Variants in ADRA1A observed in about 807,000 individuals in gnomAD.
The protein encoded by ADRA1A is alpha-1A adrenergic receptor.
Under a neutral mutation model 29.6 loss-of-function variants are expected in ADRA1A, and 31 were observed. The ratio of observed to expected loss-of-function variants is 1.05; its 90% CI spans 0.79 to 1.41. The LOEUF is 1.41. Ranked by LOEUF, ADRA1A falls within the 40% of genes most tolerant of loss-of-function variation. ADRA1A has a pLI of 0.00. For synonymous variants in ADRA1A, 311 were observed against 254.3 expected (o/e 1.22, Z -2.12); for missense variants, 619 against 601.1 (o/e 1.03, Z -0.31).
Position 26,769,877 on chromosome 8 carries a change from T to C in ADRA1A, c.*272A>G. 8.4e-7 allele frequency: 1 copy of C among 1,187,504 alleles called. No individual in the cohort carries two copies. Among genetic ancestry groups the C allele is most frequent in the Non-Finnish European group, 1.0e-6 (1 of 958,850 alleles). 73.6% of individuals were successfully genotyped at this position (1,187,504 alleles called of 1,614,324 possible). On this transcript the variant is annotated 3_prime_UTR_variant, in exon 3 of 3. Transcript: ENST00000380573. ...CATGAAATTCTGTTTCCCATGGTGGTTTTCGTTGAAGTGGGCACAGAGTGA... is the reference window on the plus strand; with the variant it reads ...CATGAAATTCTGTTTCCCATGGTGGCTTTCGTTGAAGTGGGCACAGAGTGA...
At chr8:26,776,353 A>C (rs1435425390) in intron 2 of ADRA1A, among the ~76,000 whole-genome samples, 1 of 152,156 alleles carries the variant, frequency 6.6e-6, no homozygotes, top group Non-Finnish European at 1.5e-5. Context: ...TCTGCGCTTC[A>C]TTTTACCCCC....
intron 2 of ADRA1A, among the ~76,000 whole-genome samples, chr8:26,759,658 G>T (rs142126959): frequency 1.3e-5 from 2 of 152,292 alleles, no homozygotes; most frequent in Non-Finnish European, 2.9e-5. Context: ...CCGATGCTCA[G>T]CTTTTGATTA....
intron 2 of ADRA1A, among the ~76,000 whole-genome samples, chr8:26,835,574 T>C (rs1811288238): frequency 6.6e-6 from 1 of 152,132 alleles, no homozygotes. Context: ...TCAGATCTTG[T>C]GAGAACTTAC....
rs2130562485 is a variant in ADRA1A, at chr8:26,815,133, A to C, written c.884-44467T>G. Among the ~76,000 whole-genome samples, 1 of 152,366 alleles carries C rather than the reference A, an allele frequency of 6.6e-6. No individual in the cohort carries two copies. The highest frequency in any genetic ancestry group is 6.5e-5 in the Admixed American group (1 of 15,308). ...TAGACGCATGGGCCAAAGTATCAAA[A>C]ATTTCCACTACCAAATCCTCACCAA... On this transcript the variant is annotated intron_variant, in intron 2 of 2. Transcript: ENST00000380573. The surrounding 1 kb of genome is among the most constrained non-coding windows in gnomAD (Gnocchi z 4.2).
At chr8:26,836,078 A>T (rs1811335430) in intron 2 of ADRA1A, 1 of 167,998 alleles carries the variant, frequency 6.0e-6, no homozygotes, top group Admixed American at 6.3e-5. Flanking sequence ...GGTATCATTC[A>T]CACATAGAGA....
chr8:26,810,248 C>T (rs990845924), intron 2 of ADRA1A, among the ~76,000 whole-genome samples: 5 of 152,168 alleles, frequency 3.3e-5, no homozygotes, highest in African/African-American at 7.2e-5. Context: ...GCAAATTCCA[C>T]GTTGGGTTAA....
At chr8:26,813,574 G>T (rs1185333687) in intron 2 of ADRA1A, among the ~76,000 whole-genome samples, 1 of 152,020 alleles carries the variant, frequency 6.6e-6, no homozygotes, top group African/African-American at 2.4e-5. Flanking sequence ...TGCTTGGCCT[G>T]GATCCCAGGC....
rs931255856 is a variant in ADRA1A at position 26,769,793 on chromosome 8, T to A, written c.*356A>T. The A allele has an allele frequency of 9.9e-7, 1 of 1,013,650 alleles. No homozygotes were observed. Among genetic ancestry groups the A allele is most frequent in the Non-Finnish European group, 1.2e-6 (1 of 849,100 alleles). 62.8% of individuals were successfully genotyped at this position (1,013,650 alleles called of 1,614,324 possible). On this transcript the variant is annotated 3_prime_UTR_variant, in exon 3 of 3. Transcript: ENST00000380573. ...AAGAAATAGCTCCAAACTTAGAGTG[T>A]GTGCTCAAAATATTCATGATGAAAT...
chr8:26,787,690 C>A lies in ADRA1A; in HGVS notation c.884-17024G>T, dbSNP rs1764910814. On this transcript the variant is annotated intron_variant, in intron 2 of 2. Coordinates refer to ENST00000380573, the MANE Select transcript of ADRA1A (RefSeq NM_000680.4). This position sits in a 1 kb window ranked among gnomAD's most constrained non-coding sequence, Gnocchi z 4.2. ...TTCTTAGTTCTTAGTACTTGTTCCCCAGGGAGGAAATCCCGACAGCTCACT... is the reference window on the plus strand; with the variant it reads ...TTCTTAGTTCTTAGTACTTGTTCCCAAGGGAGGAAATCCCGACAGCTCACT... Among the ~76,000 whole-genome samples the A allele has an allele frequency of 6.6e-6, 1 of 151,938 alleles. No individual in the cohort carries two copies. Among genetic ancestry groups the A allele is most frequent in the African/African-American group, 2.4e-5 (1 of 41,342 alleles).
intron 2 of ADRA1A, among the ~76,000 whole-genome samples, chr8:26,852,456 A>AG (rs916655195): frequency 6.6e-6 from 1 of 152,150 alleles, no homozygotes; most frequent in African/African-American, 2.4e-5. Flanking sequence ...TTTGAAAAAA[A>AG]CTAATAAAAT....
At chr8:26,780,192 T>C (rs974641141) in intron 2 of ADRA1A, among the ~76,000 whole-genome samples, 4 of 152,128 alleles carry the variant, frequency 2.6e-5, no homozygotes, top group Admixed American at 2.0e-4. Context: ...CATAATTTAC[T>C]TAGCACCTGC....
At position 26,867,146 on chromosome 8, in the gene ADRA1A, T is replaced by A. The variant is rs181048148; in HGVS notation, c.-897A>T. 160 of 985,296 alleles carry A rather than the reference T, an allele frequency of 1.6e-4. 1 individual carries two copies. The East Asian group carries it at 0.012, about 72-fold the overall frequency. 61.0% of individuals were successfully genotyped at this position (985,296 alleles called of 1,614,324 possible). On this transcript the variant is annotated 5_prime_UTR_variant, in exon 1 of 3. Coordinates refer to ENST00000380573, the MANE Select transcript of ADRA1A (RefSeq NM_000680.4). ...CCGCTGTCACTTTACCTGCATTTTT[T>A]AAAAAGAGTCAAAATAAGAAAAGAA...
rs1435734934 is a variant in ADRA1A, at chr8:26,841,933, C to G, written c.883+22154G>C. Reference sequence around the variant, plus strand: ...TGGTGAGTCTCCCACTTTTCCAAAACGTTGTGCAAGTTCTGCTTGTTTTTT... The same window carrying G: ...TGGTGAGTCTCCCACTTTTCCAAAAGGTTGTGCAAGTTCTGCTTGTTTTTT... On this transcript the variant is annotated intron_variant, in intron 2 of 2. Transcript: ENST00000380573. The surrounding 1 kb of genome is among the most constrained non-coding windows in gnomAD (Gnocchi z 4.4). 6.6e-6 allele frequency among the ~76,000 whole-genome samples: 1 copy of G among 152,136 alleles called. No individual in the cohort carries two copies. Among genetic ancestry groups the G allele is most frequent in the Non-Finnish European group, 1.5e-5 (1 of 68,028 alleles).
chr8:26,778,160 T>A (rs1428334391), intron 2 of ADRA1A, among the ~76,000 whole-genome samples: 1 of 152,104 alleles, frequency 6.6e-6, no homozygotes, highest in African/African-American at 2.4e-5. Context: ...AAGAAGCATT[T>A]CTCCTTTTAG....
chr8:26,850,255 T>C (rs1812530517), intron 2 of ADRA1A, among the ~76,000 whole-genome samples: 1 of 151,914 alleles, frequency 6.6e-6, no homozygotes, highest in Non-Finnish European at 1.5e-5. Flanking sequence ...ACATCTTAGT[T>C]GAAAAATAAA....
intron 2 of ADRA1A, among the ~76,000 whole-genome samples, chr8:26,818,260 G>A (rs577103299): frequency 2.0e-5 from 3 of 152,108 alleles, no homozygotes; most frequent in Non-Finnish European, 4.4e-5. Context: ...GCATGTGACT[G>A]CAGAAATTTG....
At chr8:26,812,164 T>C (rs866707569) in intron 2 of ADRA1A, among the ~76,000 whole-genome samples, 1 of 152,208 alleles carries the variant, frequency 6.6e-6, no homozygotes, top group Non-Finnish European at 1.5e-5. Flanking sequence ...ATTAGATGCA[T>C]CCAGACGTAA....
Position 26,757,333 on chromosome 8 carries a change from G to T in ADRA1A, c.1270-554C>A, listed in dbSNP as rs112087116. On this transcript the variant is annotated intron_variant, in intron 2 of 2. Transcript: ENST00000380582. ...GCCTGAGTCGTGGTGAGCTGAGCTT[G>T]CAGTGTGGACTTCCCTGTGAAGCCA... 3.0e-3 allele frequency among the ~76,000 whole-genome samples: 455 copies of T among 152,264 alleles called. 6 individuals are homozygous for T. The highest frequency in any genetic ancestry group is 2.5e-3 in the Non-Finnish European group (168 of 68,010).
downstream of ADRA1A, among the ~76,000 whole-genome samples, chr8:26,764,752 T>C (rs981791703): frequency 6.6e-6 from 1 of 152,222 alleles, no homozygotes; most frequent in African/African-American, 2.4e-5. Context: ...GACAGAAATA[T>C]TAAACTCAAG....
Sources: gnomAD v4.1 joint callset for allele counts (sites outside exome capture counted in the v4.1 genomes callset) on GRCh38, gnomAD v4.1.1 for gene constraint, Gnocchi (gnomAD v3.1) non-coding constraint, MANE v1.5 for transcripts, NCBI Gene and HGNC (gene_info 2026-07-23, HGNC 2026-07-21) for gene names.